The following CDK8 variants were observed in gnomAD, a reference collection of about 807,000 sequenced individuals.
The protein encoded by CDK8 is cyclin dependent kinase 8.
Under a neutral mutation model 71.5 loss-of-function variants are expected in CDK8, and 29 were observed. That is an observed-to-expected ratio of 0.41 (90% CI 0.30 to 0.55). The LOEUF (loss-of-function observed/expected upper bound fraction) is 0.55. Ranked by LOEUF, CDK8 falls within the 20% of genes least tolerant of loss-of-function variation. The probability of loss-of-function intolerance (pLI) is 0.37; values close to 1 mark genes in which losing one functional copy is unlikely to be tolerated. For synonymous variants in CDK8, 161 were observed against 192.1 expected (o/e 0.84, Z 1.34); for missense variants, 288 against 572.6 (o/e 0.50, Z 5.07).
At chr13:26,304,432 T>C (rs1873950768) in intron 1 of CDK8, among the ~76,000 whole-genome samples, 1 of 152,168 alleles carries the variant, frequency 6.6e-6, no homozygotes, top group South Asian at 2.1e-4. Context: ...TTTTGTCTTC[T>C]ACTTTTTATA....
At chr13:26,329,488 T>G (rs1472179176) in intron 1 of CDK8, among the ~76,000 whole-genome samples, 1 of 151,104 alleles carries the variant, frequency 6.6e-6, no homozygotes, top group African/African-American at 2.4e-5. Flanking sequence ...TTTTTGTTTT[T>G]TTTTTGTTTG....
chr13:26,377,990 A>G (rs1172391335), intron 4 of CDK8, among the ~76,000 whole-genome samples: 1 of 152,238 alleles, frequency 6.6e-6, no homozygotes, highest in Non-Finnish European at 1.5e-5. Context: ...ATAGTTTCTT[A>G]TGGATCATTG....
At chr13:26,312,427 C>T (rs754895728) in intron 1 of CDK8, among the ~76,000 whole-genome samples, 5 of 152,170 alleles carry the variant, frequency 3.3e-5, no homozygotes, top group African/African-American at 9.7e-5. Flanking sequence ...TGAGGGTCTG[C>T]GGCTTCATTC....
intron 4 of CDK8, among the ~76,000 whole-genome samples, chr13:26,371,258 AGTCT>A (rs1874670100): frequency 1.3e-5 from 2 of 152,344 alleles, no homozygotes; most frequent in African/African-American, 4.8e-5. Context: ...AGTCACATTT[AGTCT>A]GTCTGACAAC....
chr13:26,286,939 A>G (rs982112493), intron 1 of CDK8, among the ~76,000 whole-genome samples: 7 of 152,336 alleles, frequency 4.6e-5, no homozygotes, highest in Admixed American at 1.3e-4. Context: ...TGCAAATCAA[A>G]ACCATAAGGA....
intron 4 of CDK8, among the ~76,000 whole-genome samples, chr13:26,374,235 G>C (rs1270017256): frequency 4.6e-5 from 7 of 151,790 alleles, no homozygotes; most frequent in Admixed American, 3.9e-4. Context: ...ATGCGATTAT[G>C]AGAACTTATA....
intron 1 of CDK8, among the ~76,000 whole-genome samples, chr13:26,287,260 A>C (rs1167199501): frequency 6.6e-6 from 1 of 152,198 alleles, no homozygotes; most frequent in African/African-American, 2.4e-5. Context: ...TCAACAAACA[A>C]GTGGATAAAG....
intron 1 of CDK8, among the ~76,000 whole-genome samples, chr13:26,264,697 C>T (rs1871945288): frequency 6.6e-6 from 1 of 152,098 alleles, no homozygotes; most frequent in East Asian, 1.9e-4. Context: ...TATATCTGCA[C>T]CCTTTAACTC....
At chr13:26,403,019 T>C (rs1476486318) in intron 12 of CDK8, among the ~76,000 whole-genome samples, 1 of 152,228 alleles carries the variant, frequency 6.6e-6, no homozygotes, top group East Asian at 1.9e-4. Context: ...TAATCTTTTA[T>C]AGTGTTTGTC....
intron 1 of CDK8, among the ~76,000 whole-genome samples, chr13:26,328,802 T>C (rs1272624071): frequency 6.6e-6 from 1 of 152,226 alleles, no homozygotes; most frequent in African/African-American, 2.4e-5. Flanking sequence ...AATTTGGAAG[T>C]TTTCTTGAAT....
chr13:26,358,684 G>A (rs955956530), intron 4 of CDK8, among the ~76,000 whole-genome samples: 2 of 152,220 alleles, frequency 1.3e-5, no homozygotes, highest in African/African-American at 4.8e-5. Context: ...AGAGGTATTT[G>A]TATATGCATG....
intron 6 of CDK8, among the ~76,000 whole-genome samples, chr13:26,392,367 G>T (rs1053552587): frequency 3.2e-5 from 4 of 123,102 alleles, no homozygotes; most frequent in African/African-American, 9.6e-5. Flanking sequence ...TTGCTCTGTC[G>T]CCCAGGCAAG....
At chr13:26,278,100 T>G (rs1363128052) in intron 1 of CDK8, among the ~76,000 whole-genome samples, 4 of 152,188 alleles carry the variant, frequency 2.6e-5, no homozygotes, top group Non-Finnish European at 5.9e-5. Flanking sequence ...AATGACAATT[T>G]GGTGGAGTTG....
intron 3 of CDK8, 103 bp from the exon 4 acceptor site, chr13:26,353,637 A>G (rs887445391): frequency 1.0e-5 from 9 of 884,438 alleles, no homozygotes; most frequent in Admixed American, 5.5e-5. Context: ...TTCAATATCT[A>G]TGGGAATCCC....
At chr13:26,385,837 A>AT (rs1409797481) in intron 6 of CDK8, among the ~76,000 whole-genome samples, 10 of 152,310 alleles carry the variant, frequency 6.6e-5, no homozygotes, top group African/African-American at 2.4e-4. Flanking sequence ...ATCATTCCAC[A>AT]TACTTCTCTC....
At chr13:26,374,438 G>A (rs1874851270) in intron 4 of CDK8, among the ~76,000 whole-genome samples, 1 of 152,066 alleles carries the variant, frequency 6.6e-6, no homozygotes, top group African/African-American at 2.4e-5. Flanking sequence ...GCTACAGCAG[G>A]TGGTAAATTC....
At chr13:26,303,796 A>C (rs1321695222) in intron 1 of CDK8, among the ~76,000 whole-genome samples, 1 of 152,174 alleles carries the variant, frequency 6.6e-6, no homozygotes, top group African/African-American at 2.4e-5. Context: ...GTAATTTTTT[A>C]TAGGTATCAG....
rs1172373409 is a variant in CDK8, at chr13:26,303,130, AT to A, written c.129-34430del. On this transcript the variant is annotated intron_variant, in intron 1 of 12. Transcript: ENST00000381527. The stretch of plus-strand genomic sequence containing the variant: ...ATGCATGTATATCTTTGGCTGTTAT[AT>A]TTTTTTCTTTTTTATCTCCTTTTAG... Among the ~76,000 whole-genome samples, 8 of 150,398 alleles carry A rather than the reference AT, an allele frequency of 5.3e-5. No individual in the cohort carries two copies. The South Asian group carries it at 1.1e-3, about 20-fold the overall frequency.
At chr13:26,385,487 C>G (rs1035981357) in intron 6 of CDK8, 145 bp downstream of exon 6, 1 of 622,566 alleles carries the variant, frequency 1.6e-6, no homozygotes, top group Non-Finnish European at 2.5e-6. Flanking sequence ...GTAATCCAAG[C>G]ACTTTGGGAG....
Sources: allele counts gnomAD v4.1 joint callset (sites outside exome capture counted in the v4.1 genomes callset), GRCh38; gene constraint gnomAD v4.1.1; transcripts MANE v1.5; gene names NCBI Gene and HGNC (gene_info 2026-07-23, HGNC 2026-07-21).